Variants in RCAN2 observed in about 807,000 individuals in gnomAD.
RCAN2 encodes the protein calcipressin-2.
Under a neutral mutation model 23.6 loss-of-function variants are expected in RCAN2, and 9 were observed. The ratio of observed to expected loss-of-function variants is 0.38; its 90% CI spans 0.23 to 0.67. The LOEUF (loss-of-function observed/expected upper bound fraction) is 0.67. Among genes scored for constraint, RCAN2 ranks in the 30% least tolerant of loss-of-function variants. The pLI, the probability that RCAN2 is intolerant of heterozygous loss-of-function variation, is 0.51. For synonymous variants in RCAN2, 109 were observed against 115.7 expected (o/e 0.94, Z 0.37); for missense variants, 273 against 302.3 (o/e 0.90, Z 0.72).
intron 2 of RCAN2, among the ~76,000 whole-genome samples, chr6:46,385,860 CAAAAAA>C (rs59568594): frequency 2.5e-5 from 1 of 39,648 alleles, no homozygotes; most frequent in African/African-American, 1.1e-4. Context: ...CTCTCTCTCT[CAAAAAA>C]AAAAAAAAAA....
chr6:46,426,381 T>C (rs1385895033), intron 2 of RCAN2, among the ~76,000 whole-genome samples: 3 of 152,264 alleles, frequency 2.0e-5, no homozygotes, highest in Admixed American at 6.5e-5. Context: ...AGTGTTCCTG[T>C]AATAAAATTA....
intron 2 of RCAN2, among the ~76,000 whole-genome samples, chr6:46,361,060 T>G (rs10498766): frequency 0.44 from 67,349 of 151,760 alleles, 16,448 homozygotes; most frequent in East Asian, 0.6. Context: ...CAAAGTGGTT[T>G]AAGGCTAGAT....
intron 1 of RCAN2, among the ~76,000 whole-genome samples, chr6:46,472,350 T>G: frequency 6.6e-6 from 1 of 152,174 alleles, no homozygotes; most frequent in East Asian, 1.9e-4. Context: ...TAAAGATGGA[T>G]GTATTGGGAC....
chr6:46,311,497 C>A (rs1763259492), intron 2 of RCAN2, among the ~76,000 whole-genome samples: 1 of 152,170 alleles, frequency 6.6e-6, no homozygotes. Flanking sequence ...ATGGCAGCAA[C>A]ACATACAACA....
intron 2 of RCAN2, among the ~76,000 whole-genome samples, chr6:46,391,576 T>C (rs1039023474): frequency 1.3e-5 from 2 of 152,128 alleles, no homozygotes; most frequent in African/African-American, 4.8e-5. Context: ...TTGCTCTATG[T>C]TTCTTGGGGG....
At chr6:46,257,007 C>G (rs1376776046) in intron 2 of RCAN2, among the ~76,000 whole-genome samples, 1 of 152,184 alleles carries the variant, frequency 6.6e-6, no homozygotes, top group Non-Finnish European at 1.5e-5. Context: ...GCAGAAGGAT[C>G]TGTCCAGCAT....
chr6:46,415,755 A>C (rs1766694956), intron 2 of RCAN2, among the ~76,000 whole-genome samples: 1 of 152,202 alleles, frequency 6.6e-6, no homozygotes, highest in Non-Finnish European at 1.5e-5. Context: ...GTTCAAAAAG[A>C]TGAGCATGTG....
At chr6:46,299,371 T>C (rs2150350050) in intron 2 of RCAN2, among the ~76,000 whole-genome samples, 1 of 152,142 alleles carries the variant, frequency 6.6e-6, no homozygotes, top group African/African-American at 2.4e-5. Flanking sequence ...TTATAGTTCA[T>C]GACAGAGAAT....
At chr6:46,348,439 C>T (rs1181662728) in intron 2 of RCAN2, among the ~76,000 whole-genome samples, 1 of 152,118 alleles carries the variant, frequency 6.6e-6, no homozygotes, top group Non-Finnish European at 1.5e-5. Flanking sequence ...CTCTTCCAAG[C>T]ACATTTTGAG....
intron 4 of RCAN2, among the ~76,000 whole-genome samples, chr6:46,224,468 TC>T (rs1765581093): frequency 6.6e-6 from 1 of 152,232 alleles, no homozygotes; most frequent in South Asian, 2.1e-4. Context: ...ACTACCTGCA[TC>T]AGTTCCTTCT....
chr6:46,400,601 A>T (rs192675010), intron 2 of RCAN2, among the ~76,000 whole-genome samples: 13 of 152,322 alleles, frequency 8.5e-5, no homozygotes, highest in South Asian at 4.2e-4. Flanking sequence ...CCACAATGTG[A>T]TCAGTGATTT....
intron 1 of RCAN2, among the ~76,000 whole-genome samples, chr6:46,469,424 G>T (rs1768490529): frequency 6.6e-6 from 1 of 152,194 alleles, no homozygotes; most frequent in African/African-American, 2.4e-5. Flanking sequence ...CAGCTGATCA[G>T]TGGCTAGGGC....
chr6:46,294,381 T>G (rs1045301802), intron 2 of RCAN2, among the ~76,000 whole-genome samples: 3 of 152,162 alleles, frequency 2.0e-5, no homozygotes, highest in African/African-American at 7.2e-5. Flanking sequence ...TTGTTATCTC[T>G]TTTCTGGAAA....
intron 2 of RCAN2, among the ~76,000 whole-genome samples, chr6:46,337,992 T>G (rs4537138): frequency 2.0e-5 from 3 of 152,046 alleles, no homozygotes; most frequent in Non-Finnish European, 4.4e-5. Flanking sequence ...TGCATGGGAA[T>G]GGAAGGATAT....
chr6:46,425,233 T>C (rs190750222), intron 2 of RCAN2, among the ~76,000 whole-genome samples: 7 of 152,360 alleles, frequency 4.6e-5, no homozygotes, highest in Admixed American at 3.3e-4. Context: ...ATTATATCAG[T>C]GTGTATTTAC....
chr6:46,323,439 G>T (rs904032046), intron 2 of RCAN2, among the ~76,000 whole-genome samples: 3 of 151,116 alleles, frequency 2.0e-5, no homozygotes, highest in Non-Finnish European at 4.4e-5. Flanking sequence ...GCTATTGGCA[G>T]TAAATACATG....
intron 2 of RCAN2, among the ~76,000 whole-genome samples, chr6:46,308,965 T>C (rs910456719): frequency 2.0e-5 from 3 of 152,176 alleles, no homozygotes; most frequent in Non-Finnish European, 4.4e-5. Flanking sequence ...ACAGTCCTTT[T>C]CAACCTTTCA....
chr6:46,325,751 C>T (rs1240877590), intron 2 of RCAN2: 12 of 1,250,560 alleles, frequency 9.6e-6, no homozygotes, highest in Admixed American at 3.8e-5. Context: ...TTCTCCAAGC[C>T]TTTTATCTCT....
chr6:46,364,013 G>A lies in RCAN2; in HGVS notation c.225+92739C>T, dbSNP rs1441772572. Reference sequence around the variant, plus strand: ...AATTTGCACCAGAAAAAAATTCACTGAATCTTAAATCGCTCAAAGACGATG... The same window carrying A: ...AATTTGCACCAGAAAAAAATTCACTAAATCTTAAATCGCTCAAAGACGATG... On this transcript the variant is annotated intron_variant, in intron 2 of 4. Transcript: ENST00000371374. Among the ~76,000 whole-genome samples, 4 of 152,254 alleles carry A rather than the reference G, an allele frequency of 2.6e-5. No individual in the cohort carries two copies. In the East Asian group the frequency reaches 7.7e-4, roughly 29 times the overall value.
Sources: allele counts gnomAD v4.1 joint callset (sites outside exome capture counted in the v4.1 genomes callset), GRCh38; gene constraint gnomAD v4.1.1; transcripts MANE v1.5; gene names NCBI Gene and HGNC (gene_info 2026-07-23, HGNC 2026-07-21).